CDKAL1: variants seen among roughly 807,000 people sequenced by gnomAD.
CDKAL1 encodes the protein CDKAL1 threonylcarbamoyladenosine tRNA methylthiotransferase.
In CDKAL1, 32 loss-of-function variants were observed where a neutral mutation model predicts 68.2. That is an observed-to-expected ratio of 0.47 (90% CI 0.35 to 0.63). The LOEUF is 0.63. Ranked by LOEUF, CDKAL1 falls within the 30% of genes least tolerant of loss-of-function variation. CDKAL1 has a pLI of 0.00. For missense variants in CDKAL1, 606 were observed against 696.7 expected, an observed-to-expected ratio of 0.87 and a Z score of 1.47; for synonymous variants, 234 against 244.3, an observed-to-expected ratio of 0.96 and a Z score of 0.39.
chr6:20,773,422 C>G (rs1775028314), intron 7 of CDKAL1, among the ~76,000 whole-genome samples: 1 of 152,174 alleles, frequency 6.6e-6, no homozygotes, highest in Non-Finnish European at 1.5e-5. Flanking sequence ...TAACTATGGA[C>G]ATTTTGTAGA....
At chr6:21,168,665 G>A (rs1017648627) in intron 13 of CDKAL1, among the ~76,000 whole-genome samples, 1 of 152,176 alleles carries the variant, frequency 6.6e-6, no homozygotes, top group African/African-American at 2.4e-5. Context: ...AAAAATCAGT[G>A]TAGTTTCAAA....
At chr6:20,581,776 G>A (rs553499988) in intron 4 of CDKAL1, among the ~76,000 whole-genome samples, 1 of 152,276 alleles carries the variant, frequency 6.6e-6, no homozygotes, top group East Asian at 1.9e-4. Context: ...ATGTCTTGAA[G>A]TTGCAGGTTT....
At chr6:21,036,285 G>C (rs1029988032) in intron 11 of CDKAL1, among the ~76,000 whole-genome samples, 1 of 152,114 alleles carries the variant, frequency 6.6e-6, no homozygotes, top group African/African-American at 2.4e-5. Context: ...ACAGAAGCTA[G>C]TTTAAAAGTG....
rs1220515653 is a variant in CDKAL1 at position 21,054,354 on chromosome 6, G to A, written c.1056-10694G>A. 2.6e-5 allele frequency among the ~76,000 whole-genome samples: 4 copies of A among 151,996 alleles called. No individual in the cohort carries two copies. In the East Asian group the frequency reaches 7.7e-4, roughly 29 times the overall value. ...TGATAACCATACTGCGTTGATTATTGGAGCTTTATAGTTAGTCTTTAAAAC... is the reference window on the plus strand; with the variant it reads ...TGATAACCATACTGCGTTGATTATTAGAGCTTTATAGTTAGTCTTTAAAAC... On this transcript the variant is annotated intron_variant, in intron 11 of 15. Coordinates refer to ENST00000274695, the MANE Select transcript of CDKAL1 (RefSeq NM_017774.3).
chr6:20,776,013 G>A (rs1775156397), intron 7 of CDKAL1, among the ~76,000 whole-genome samples: 2 of 151,460 alleles, frequency 1.3e-5, no homozygotes, highest in Non-Finnish European at 2.9e-5. Context: ...AAAAAAAACA[G>A]ACTATTGTTA....
At chr6:21,079,140 G>T (rs1772244500) in intron 12 of CDKAL1, among the ~76,000 whole-genome samples, 1 of 152,176 alleles carries the variant, frequency 6.6e-6, no homozygotes, top group Non-Finnish European at 1.5e-5. Context: ...ATTCCCATTG[G>T]GGCGGTGAGA....
intron 12 of CDKAL1, among the ~76,000 whole-genome samples, chr6:21,083,462 T>G (rs1172864585): frequency 6.6e-6 from 1 of 152,194 alleles, no homozygotes; most frequent in Non-Finnish European, 1.5e-5. Flanking sequence ...CAGATGTAGA[T>G]GTAGTCATAG....
At chr6:21,119,373 G>T (rs535633192) in intron 13 of CDKAL1, among the ~76,000 whole-genome samples, 1 of 151,988 alleles carries the variant, frequency 6.6e-6, no homozygotes, top group Non-Finnish European at 1.5e-5. Flanking sequence ...CTCACCACAT[G>T]GTATATGTTC....
chr6:21,221,844 T>C (rs1269444615), intron 15 of CDKAL1, among the ~76,000 whole-genome samples: 2 of 152,212 alleles, frequency 1.3e-5, no homozygotes, highest in Non-Finnish European at 2.9e-5. Context: ...CTTTCACATC[T>C]CTTGAGTCAG....
At chr6:20,968,047 C>G (rs926347161) in intron 10 of CDKAL1, among the ~76,000 whole-genome samples, 5 of 152,042 alleles carry the variant, frequency 3.3e-5, no homozygotes, top group Admixed American at 2.6e-4. Context: ...CTTTGACTTT[C>G]AACTGTTTGA....
At chr6:20,721,291 T>C (rs1772344883) in intron 5 of CDKAL1, among the ~76,000 whole-genome samples, 1 of 152,212 alleles carries the variant, frequency 6.6e-6, no homozygotes, top group Non-Finnish European at 1.5e-5. Flanking sequence ...GGACATGAAC[T>C]CATCCTTTTT....
chr6:20,947,224 G>A (rs1581891224), intron 9 of CDKAL1, among the ~76,000 whole-genome samples: 1 of 152,170 alleles, frequency 6.6e-6, no homozygotes, highest in African/African-American at 2.4e-5. Flanking sequence ...TGCTGTTTAA[G>A]TACAGATGCT....
chr6:20,956,238 G>A (rs1764770382), intron 10 of CDKAL1, among the ~76,000 whole-genome samples: 2 of 152,152 alleles, frequency 1.3e-5, no homozygotes, highest in Non-Finnish European at 2.9e-5. Context: ...GTGAACAAAG[G>A]TGATTCTGAG....
intron 13 of CDKAL1, among the ~76,000 whole-genome samples, chr6:21,176,694 T>TTTTTTTA (rs1777590971): frequency 7.5e-6 from 1 of 133,708 alleles, no homozygotes; most frequent in African/African-American, 2.9e-5. Flanking sequence ...TTTTTTTTTT[T>TTTTTTTA]TGTTTTTTTT....
chr6:21,082,874 GTTTT>G (rs71540612), intron 12 of CDKAL1, among the ~76,000 whole-genome samples: 1 of 129,170 alleles, frequency 7.7e-6, no homozygotes. Flanking sequence ...TGTTTCTTTT[GTTTT>G]TTTTTTTTTT....
chr6:20,791,423 T>C (rs1775894432), intron 8 of CDKAL1, among the ~76,000 whole-genome samples: 2 of 152,340 alleles, frequency 1.3e-5, no homozygotes, highest in East Asian at 1.9e-4. Context: ...CCACATCATC[T>C]GACCAGTTTT....
At chr6:20,745,175 G>C (rs1462213153) in intron 6 of CDKAL1, among the ~76,000 whole-genome samples, 1 of 152,194 alleles carries the variant, frequency 6.6e-6, no homozygotes, top group Admixed American at 6.5e-5. Context: ...TTTCAGGCAG[G>C]CTGCTCTAAT....
intron 8 of CDKAL1, among the ~76,000 whole-genome samples, chr6:20,823,235 G>C (rs1487194063): frequency 6.6e-6 from 1 of 152,020 alleles, no homozygotes; most frequent in African/African-American, 2.4e-5. Context: ...GGCTTTTCTG[G>C]TTCCAGTTAT....
intron 9 of CDKAL1, among the ~76,000 whole-genome samples, chr6:20,947,298 A>G (rs1764286249): frequency 1.3e-5 from 2 of 152,270 alleles, no homozygotes; most frequent in Middle Eastern, 3.4e-3. Flanking sequence ...TAAGTTGAAA[A>G]TGCATTTAAA....
Sources: allele counts gnomAD v4.1 joint callset (sites outside exome capture counted in the v4.1 genomes callset), GRCh38; gene constraint gnomAD v4.1.1; transcripts MANE v1.5; gene names NCBI Gene and HGNC (gene_info 2026-07-23, HGNC 2026-07-21).